FAM13C: variants seen among roughly 807,000 people sequenced by gnomAD.
FAM13C encodes the protein protein FAM13C.
In FAM13C, 37 loss-of-function variants were observed where a neutral mutation model predicts 73.2. The ratio of observed to expected loss-of-function variants is 0.51; its 90% CI spans 0.39 to 0.67. FAM13C has a LOEUF of 0.67. Among genes scored for constraint, FAM13C ranks in the 30% least tolerant of loss-of-function variants. The pLI is 0.00. For synonymous variants in FAM13C, 246 were observed against 260.9 expected (o/e 0.94, Z 0.55); for missense variants, 589 against 715.6 (o/e 0.82, Z 2.02).
chr10:59,256,799 T>C lies in FAM13C; in HGVS notation c.1237-2356A>G, dbSNP rs191941472. On this transcript the variant is annotated intron_variant, in intron 10 of 13. Coordinates refer to ENST00000618804, the MANE Select transcript of FAM13C (RefSeq NM_198215.4). ...TAAGCTCTGCAGGATACCCCAAATC[T>C]AAGGGGGCAGAAATACATTAGACTT... 7.9e-5 allele frequency among the ~76,000 whole-genome samples: 12 copies of C among 152,250 alleles called. No homozygotes were observed. In the East Asian group the frequency reaches 2.3e-3, roughly 29 times the overall value.
chr10:59,285,315 G>A (rs1176235218), intron 5 of FAM13C, among the ~76,000 whole-genome samples: 1 of 152,136 alleles, frequency 6.6e-6, no homozygotes, highest in Non-Finnish European at 1.5e-5. Context: ...AACTGAGGTT[G>A]TTGACAGGAG....
intron 10 of FAM13C, among the ~76,000 whole-genome samples, chr10:59,262,044 CT>C (rs1842553225): frequency 6.6e-6 from 1 of 152,092 alleles, no homozygotes; most frequent in Non-Finnish European, 1.5e-5. Context: ...TAGATCATCC[CT>C]GCTTTATTAT....
chr10:59,307,969 C>A (rs1402677644), intron 4 of FAM13C, among the ~76,000 whole-genome samples: 1 of 152,124 alleles, frequency 6.6e-6, no homozygotes, highest in Non-Finnish European at 1.5e-5. Context: ...TCTCAAACTC[C>A]CTTCTTTTTA....
intron 4 of FAM13C, among the ~76,000 whole-genome samples, chr10:59,312,665 G>T (rs1318712977): frequency 6.6e-6 from 1 of 152,102 alleles, no homozygotes; most frequent in Non-Finnish European, 1.5e-5. Flanking sequence ...GACATCATCT[G>T]GTACATTCTC....
chr10:59,266,960 G>A (rs1204457688), intron 8 of FAM13C, among the ~76,000 whole-genome samples: 3 of 152,142 alleles, frequency 2.0e-5, no homozygotes, highest in South Asian at 4.1e-4. Flanking sequence ...ACTGTAATAA[G>A]CATTATGTAT....
intron 6 of FAM13C, among the ~76,000 whole-genome samples, chr10:59,273,030 C>T (rs1843897209): frequency 6.6e-6 from 1 of 152,152 alleles, no homozygotes; most frequent in South Asian, 2.1e-4. Context: ...TATGATCTCT[C>T]TGAAACTATT....
chr10:59,251,364 G>A, intron 13 of FAM13C: 1 of 513,762 alleles, frequency 1.9e-6, no homozygotes, highest in South Asian at 3.4e-5. Flanking sequence ...TTTACAGATT[G>A]ATGTCATACC....
intron 4 of FAM13C, among the ~76,000 whole-genome samples, chr10:59,303,571 T>A (rs1847850564): frequency 6.6e-6 from 1 of 152,202 alleles, no homozygotes; most frequent in Non-Finnish European, 1.5e-5. Context: ...ACTTACACAA[T>A]AAATGTTATA....
intron 8 of FAM13C, among the ~76,000 whole-genome samples, chr10:59,265,330 G>C (rs1434343909): frequency 1.9e-5 from 1 of 52,382 alleles, no homozygotes; most frequent in African/African-American, 7.3e-5. Context: ...GGCGGGGGGG[G>C]GGGGGAATCC....
At chr10:59,362,605 C>G, upstream of FAM13C, 13 of 1,483,720 alleles carry the variant, frequency 8.8e-6, no homozygotes, top group Non-Finnish European at 1.1e-5. Flanking sequence ...ATGCTCGTAA[C>G]GACACCCCCA....
At chr10:59,342,893 C>A (rs1383441390) in intron 3 of FAM13C, among the ~76,000 whole-genome samples, 1 of 152,162 alleles carries the variant, frequency 6.6e-6, no homozygotes. Context: ...GTTTTCTTTG[C>A]CTAAAGAACA....
chr10:59,259,568 C>T lies in FAM13C; in HGVS notation c.1236+2866G>A, dbSNP rs531172751. On this transcript the variant is annotated intron_variant, in intron 10 of 13. Transcript: ENST00000618804. ...CTACTACATGGTTTACTATATTAAGCTTTCTCAAGACCAATACTCAGCTTT... is the reference window on the plus strand; with the variant it reads ...CTACTACATGGTTTACTATATTAAGTTTTCTCAAGACCAATACTCAGCTTT... Among the ~76,000 whole-genome samples the T allele has an allele frequency of 5.3e-5, 8 of 152,238 alleles. No individual in the cohort carries two copies. The South Asian group carries it at 1.7e-3, about 32-fold the overall frequency.
At chr10:59,262,068 A>T (rs573558670) in intron 10 of FAM13C, among the ~76,000 whole-genome samples, 11 of 152,312 alleles carry the variant, frequency 7.2e-5, no homozygotes, top group Admixed American at 2.0e-4. Context: ...TTAATAAGAC[A>T]TAAGGAAAGG....
intron 5 of FAM13C, chr10:59,301,172 C>G (rs990388997): frequency 6.6e-6 from 1 of 152,190 alleles, no homozygotes; most frequent in Non-Finnish European, 1.5e-5. Flanking sequence ...TCCCCAAGGT[C>G]TTTTCTGGTC....
chr10:59,312,282 G>A (rs1319707324), intron 4 of FAM13C, among the ~76,000 whole-genome samples: 1 of 152,112 alleles, frequency 6.6e-6, no homozygotes, highest in Non-Finnish European at 1.5e-5. Flanking sequence ...ATTTTTCAAG[G>A]CACAGGGGAT....
intron 10 of FAM13C, 135 bp downstream of exon 10, chr10:59,262,299 G>A (rs1055428097): frequency 2.7e-6 from 2 of 728,644 alleles, no homozygotes; most frequent in Non-Finnish European, 4.5e-6. Context: ...AACCTGTCAG[G>A]AACTCATCTG....
chr10:59,352,569 T>C (rs1855207608), intron 2 of FAM13C, 95 bp from the exon 3 acceptor site: 1 of 1,338,490 alleles, frequency 7.5e-7, no homozygotes, highest in Non-Finnish European at 9.9e-7. Context: ...TGCTGCTATA[T>C]TTATAGGATA....
At chr10:59,352,698 C>G (rs577819268) in intron 2 of FAM13C, among the ~76,000 whole-genome samples, 1 of 152,254 alleles carries the variant, frequency 6.6e-6, no homozygotes, top group East Asian at 1.9e-4. Context: ...TGAATACATA[C>G]TTTGTGTAGG....
intron 5 of FAM13C, among the ~76,000 whole-genome samples, chr10:59,286,599 A>T (rs1845599506): frequency 1.3e-5 from 2 of 149,196 alleles, no homozygotes. Flanking sequence ...GGGGTGGGAC[A>T]TAGGGAGGAG....
Sources: gnomAD v4.1 joint callset for allele counts (sites outside exome capture counted in the v4.1 genomes callset) on GRCh38, gnomAD v4.1.1 for gene constraint, MANE v1.5 for transcripts, NCBI Gene and HGNC (gene_info 2026-07-23, HGNC 2026-07-21) for gene names.